The following COL1A2 variants were observed in gnomAD, a reference collection of about 807,000 sequenced individuals.
COL1A2 encodes collagen type I alpha 2 chain, also known as collagen alpha-2(I) chain.
Under a neutral mutation model 174.3 loss-of-function variants are expected in COL1A2, and 49 were observed. The ratio of observed to expected loss-of-function variants is 0.28; its 90% CI spans 0.22 to 0.36. COL1A2 has a LOEUF of 0.36. COL1A2 is among the 10% of genes least tolerant of loss of function. The probability of loss-of-function intolerance (pLI) is 1.00; values close to 1 mark genes in which losing one functional copy is unlikely to be tolerated. For synonymous variants in COL1A2, 655 were observed against 606.6 expected (o/e 1.08, Z -1.17); for missense variants, 1,438 against 1,822.7 (o/e 0.79, Z 3.84).
At chr7:94,401,971 A>G (rs1791698762) in intron 6 of COL1A2, among the ~76,000 whole-genome samples, 1 of 152,142 alleles carries the variant, frequency 6.6e-6, no homozygotes, top group Admixed American at 6.5e-5. Context: ...TTAATTTTTT[A>G]ATATTCTTTA....
In COL1A2 at chr7:94,427,612, C is replaced by T. The variant is rs531755538; in HGVS notation, c.3268-15C>T. 6 of 1,614,012 alleles carry T rather than the reference C, an allele frequency of 3.7e-6. No individual in the cohort carries two copies. In the African/African-American group the frequency reaches 5.3e-5, roughly 14 times the overall value. ...AAAATATAAAGCCTCTCCTATCTCA[C>T]TTTCACCTTTGCAGGGCCCCCCTGG... On this transcript the variant is annotated splice_polypyrimidine_tract_variant and intron_variant, in intron 48 of 51. Coordinates refer to ENST00000297268, the MANE Select transcript of COL1A2 (RefSeq NM_000089.4).
chr7:94,402,737 C>A (rs1791712941), intron 6 of COL1A2, among the ~76,000 whole-genome samples: 1 of 152,048 alleles, frequency 6.6e-6, no homozygotes, highest in Non-Finnish European at 1.5e-5. Flanking sequence ...TGTTTCAAAA[C>A]AAAGGTATTT....
At chr7:94,422,215 AC>A (rs1194811094) in intron 39 of COL1A2, among the ~76,000 whole-genome samples, 2 of 151,668 alleles carry the variant, frequency 1.3e-5, no homozygotes, top group Non-Finnish European at 2.9e-5. Flanking sequence ...AAACAAAAAA[AC>A]GAACAGTTTT....
At position 94,427,927 on chromosome 7, in the gene COL1A2, T is replaced by C. The variant is rs576045861; in HGVS notation, c.3526+42T>C. On this transcript the variant is annotated intron_variant, in intron 49 of 51. Transcript: ENST00000297268. ...AGACCAGACTGACCCTTCTCACAAG[T>C]TGAGCTTTTCAAAATTAGTTTCCAT... The C allele has an allele frequency of 5.0e-6, 8 of 1,608,574 alleles. No individual in the cohort carries two copies. In the Admixed American group the frequency reaches 5.0e-5, roughly 10 times the overall value.
intron 24 of COL1A2, 87 bp downstream of exon 24, chr7:94,412,208 C>A: frequency 9.0e-7 from 1 of 1,112,360 alleles, no homozygotes; most frequent in Non-Finnish European, 1.4e-6. Context: ...TATACATGAA[C>A]ACATTGAAAA....
chr7:94,422,911 C>T, intron 39 of COL1A2, 46 bp from the exon 40 acceptor site: 1 of 1,611,518 alleles, frequency 6.2e-7, no homozygotes, highest in South Asian at 1.1e-5. Flanking sequence ...CTTCCAGGCC[C>T]TTGGTGATTA....
Position 94,410,449 on chromosome 7 carries a change from T to C in COL1A2, c.1119T>C (p.Gly373=), listed in dbSNP as rs1359313996. ...PGSAGPQGPP[G]PSGEEGKRGP... ...CTGCTGGGCCCCAAGGTCCTCCTGG[T>C]CCCAGTGGTGAAGAAGGAAAGAGAG... Residue 373 remains glycine (G), a synonymous_variant, in exon 21 of 52, where the codon GGT becomes GGC. Coordinates refer to ENST00000297268, the MANE Select transcript of COL1A2 (RefSeq NM_000089.4). 1 of 1,551,178 alleles carries C rather than the reference T, an allele frequency of 6.4e-7. No individual in the cohort carries two copies. Among genetic ancestry groups the C allele is most frequent in the East Asian group, 2.4e-5 (1 of 40,994 alleles).
chr7:94,425,700 G>C (rs760693783), intron 43 of COL1A2, 37 bp downstream of exon 43: 1 of 1,614,072 alleles, frequency 6.2e-7, no homozygotes, highest in South Asian at 1.1e-5. Flanking sequence ...ATTCAAAAGT[G>C]ATTAAAATGC....
In COL1A2 at chr7:94,421,009, G is replaced by A. The variant is rs72658182; in HGVS notation, c.2296G>A (p.Gly766Ser). 6.2e-7 allele frequency: 1 copy of A among 1,614,036 alleles called. No homozygotes were observed. Among genetic ancestry groups the A allele is most frequent in the Non-Finnish European group, 8.5e-7 (1 of 1,179,990 alleles). ...ACTCCATCTTTTTGTTTGCATTTAG[G>A]GTCCAAATGGTCCCCCCGGTCCTGC... is the stretch of plus-strand genomic sequence containing the variant. Reference protein sequence around the residue: ...TGPVGAAGPAGPNGPPGPAGS... With the variant: ...TGPVGAAGPASPNGPPGPAGS... The change falls in exon 38 of 52, where the codon GGT becomes AGT. Residue 766 changes from glycine (G) to serine (S), a missense_variant and splice_region_variant. This residue lies in a region of COL1A2 where 867 missense variants were observed against 1,213.7 expected (regional missense o/e 0.71). Transcript: ENST00000297268.
In COL1A2 at chr7:94,408,394, C is replaced by G. The variant is rs749981568; in HGVS notation, c.738+14C>G. 6.2e-6 allele frequency: 10 copies of G among 1,614,000 alleles called. No individual in the cohort carries two copies. Among genetic ancestry groups the G allele is most frequent in the Non-Finnish European group, 8.5e-6 (10 of 1,179,912 alleles). ...GTGGGTCCTGCTGTAAGTTTTGACACTGGGGAGTTTGAAAGGAGTTGAGAA... is the reference window on the plus strand; with the variant it reads ...GTGGGTCCTGCTGTAAGTTTTGACAGTGGGGAGTTTGAAAGGAGTTGAGAA... On this transcript the variant is annotated intron_variant, in intron 15 of 51. Transcript: ENST00000297268.
intron 17 of COL1A2, 48 bp downstream of exon 17, chr7:94,409,468 G>A (rs1378570176): frequency 3.1e-6 from 5 of 1,611,046 alleles, no homozygotes; most frequent in Non-Finnish European, 4.2e-6. Context: ...GAAAACAAAG[G>A]TGGAGTATGG....
At position 94,419,617 on chromosome 7, in the gene COL1A2, G is replaced by A. The variant is rs1792110847; in HGVS notation, c.2079+66G>A. ...ATTTCCCGCCTTCCCTAGTCCCAAA[G>A]AGCCCCAGCAATTCATTTTTATGGC... On this transcript the variant is annotated intron_variant, in intron 34 of 51. Transcript: ENST00000297268. The A allele has an allele frequency of 5.7e-5, 89 of 1,562,866 alleles. 2 individuals are homozygous for A. In the South Asian group the frequency reaches 9.3e-4, roughly 16 times the overall value.
In COL1A2 at chr7:94,430,664, C is replaced by A; in HGVS notation, c.*271C>A. 2.5e-6 allele frequency: 1 copy of A among 402,240 alleles called. No homozygotes were observed. The highest frequency in any genetic ancestry group is 4.4e-6 in the Non-Finnish European group (1 of 224,752). 24.9% of individuals were successfully genotyped at this position (402,240 alleles called of 1,614,324 possible). On this transcript the variant is annotated 3_prime_UTR_variant, in exon 52 of 52. Coordinates refer to ENST00000297268, the MANE Select transcript of COL1A2 (RefSeq NM_000089.4). ...GAAAATGTCAACCTTTGTAAGAAAA[C>A]CAAAATAAAAATTGAAAAATAAAAA... is the stretch of plus-strand genomic sequence containing the variant.
chr7:94,430,119 T>C (rs896980880), intron 51 of COL1A2, 128 bp from the exon 52 acceptor site: 2 of 939,224 alleles, frequency 2.1e-6, no homozygotes, highest in East Asian at 2.6e-5. Flanking sequence ...GATGAACTTA[T>C]TTATCTGGGA....
chr7:94,426,168 A>G (rs546741869), intron 45 of COL1A2, 117 bp downstream of exon 45: 52 of 1,032,914 alleles, frequency 5.0e-5, no homozygotes, highest in African/African-American at 4.4e-4. Flanking sequence ...TAAAAATTTC[A>G]GTCCATGCTG....
In COL1A2 at chr7:94,404,544, C is replaced by T. The variant is rs1584315903; in HGVS notation, c.280-12C>T. On this transcript the variant is annotated splice_polypyrimidine_tract_variant and intron_variant, in intron 6 of 51. Transcript: ENST00000297268. ...TCAGTGCTAACTGTTGATATATCTGCTTTCTTTACAGGGCTTAATGGGACC... is the reference window on the plus strand; with the variant it reads ...TCAGTGCTAACTGTTGATATATCTGTTTTCTTTACAGGGCTTAATGGGACC... The T allele has an allele frequency of 1.9e-6, 3 of 1,612,752 alleles. No individual in the cohort carries two copies. The East Asian group carries it at 6.7e-5, about 36-fold the overall frequency.
In COL1A2 at chr7:94,425,627, T is replaced by A; in HGVS notation, c.2799T>A (p.Asp933Glu). ...EAGRDGNPGN[D>E]GPPGRDGQPG... ...CTTCACAGGGCAACCCTGGGAACGA[T>A]GGTCCCCCAGGTCGCGATGGTCAAC... Residue 933 changes from aspartate (D) to glutamate (E), a missense_variant, in exon 43 of 52, where the codon GAT becomes GAA. Around this residue, in one of 3 missense-constraint regions of COL1A2, gnomAD observed 867 missense variants for 1,213.7 expected, o/e 0.71. Coordinates refer to ENST00000297268, the MANE Select transcript of COL1A2 (RefSeq NM_000089.4). 1 of 1,614,122 alleles carries A rather than the reference T, an allele frequency of 6.2e-7. No individual in the cohort carries two copies. The highest frequency in any genetic ancestry group is 2.2e-5 in the East Asian group (1 of 44,892).
intron 23 of COL1A2, 88 bp downstream of exon 23, chr7:94,411,242 A>T (rs1791916651): frequency 9.4e-7 from 1 of 1,065,070 alleles, no homozygotes. Context: ...AACAATAAAA[A>T]CATCAAAAGT....
intron 41 of COL1A2, 72 bp downstream of exon 41, chr7:94,424,515 C>G (rs1584329025): frequency 1.5e-6 from 2 of 1,306,938 alleles, no homozygotes; most frequent in East Asian, 2.3e-5. Flanking sequence ...TCAAATGTGA[C>G]AGATTGATCA....
Sources: gnomAD v4.1 joint callset for allele counts (sites outside exome capture counted in the v4.1 genomes callset) on GRCh38, gnomAD v4.1.1 for gene constraint, gnomAD v4.1.1 regional missense constraint, MANE v1.5 for transcripts, NCBI Gene and HGNC (gene_info 2026-07-23, HGNC 2026-07-21) for gene names.